The following PTPRD variants were observed in gnomAD, a reference collection of about 807,000 sequenced individuals.
PTPRD encodes protein tyrosine phosphatase receptor type D.
In PTPRD, 34 loss-of-function variants were observed where a neutral mutation model predicts 214.5. The observed-to-expected ratio is 0.16, with a 90% confidence interval of 0.12 to 0.21. PTPRD has a LOEUF of 0.21. Among genes scored for constraint, PTPRD ranks in the 10% least tolerant of loss-of-function variants. PTPRD has a pLI of 1.00. For synonymous variants in PTPRD, 1,128 were observed against 845.7 expected (o/e 1.33, Z -5.79); for missense variants, 2,545 against 2,398.7 (o/e 1.06, Z -1.27).
At chr9:9,415,232 T>A (rs2076644354) in intron 8 of PTPRD, among the ~76,000 whole-genome samples, 1 of 152,034 alleles carries the variant, frequency 6.6e-6, no homozygotes, top group African/African-American at 2.4e-5. Context: ...TCCCAGCACT[T>A]TGGGAGACGA....
At chr9:8,704,712 A>T (rs1226180808) in intron 12 of PTPRD, among the ~76,000 whole-genome samples, 1 of 151,714 alleles carries the variant, frequency 6.6e-6, no homozygotes, top group Non-Finnish European at 1.5e-5. Context: ...GCGGATCACG[A>T]GGTCAGGAGT....
chr9:8,584,100 G>C (rs2093430609), intron 14 of PTPRD, among the ~76,000 whole-genome samples: 1 of 152,116 alleles, frequency 6.6e-6, no homozygotes, highest in African/African-American at 2.4e-5. Context: ...GCTGTAGTGA[G>C]CCATGATTGT....
At chr9:9,825,678 A>G (rs571757543) in intron 5 of PTPRD, among the ~76,000 whole-genome samples, 2 of 152,106 alleles carry the variant, frequency 1.3e-5, no homozygotes, top group Admixed American at 6.6e-5. Flanking sequence ...ATGGAGTACA[A>G]TGATAACAGG....
rs796645843 is a variant in PTPRD, at chr9:9,982,235, C to T, written c.-471-43625G>A. On this transcript the variant is annotated intron_variant, in intron 4 of 45. Coordinates refer to ENST00000381196, the MANE Select transcript of PTPRD (RefSeq NM_002839.4). Reference sequence around the variant, plus strand: ...AGCCTTTTTGAGGCACTTAGCCAGTCGTCTTTATATTCATCTTTGTCACTG... The same window carrying T: ...AGCCTTTTTGAGGCACTTAGCCAGTTGTCTTTATATTCATCTTTGTCACTG... Among the ~76,000 whole-genome samples the T allele has an allele frequency of 7.2e-5, 11 of 152,224 alleles. 1 individual carries two copies. Among genetic ancestry groups the T allele is most frequent in the East Asian group, 1.9e-4 (1 of 5,174 alleles).
intron 11 of PTPRD, among the ~76,000 whole-genome samples, chr9:8,942,437 G>C (rs1588529877): frequency 1.3e-5 from 2 of 152,126 alleles, no homozygotes; most frequent in Non-Finnish European, 2.9e-5. Flanking sequence ...GCACAGGAGA[G>C]AGGAAAACAA....
chr9:10,266,780 G>A (rs930645896), intron 3 of PTPRD, among the ~76,000 whole-genome samples: 22 of 152,176 alleles, frequency 1.4e-4, no homozygotes, highest in African/African-American at 5.3e-4. Context: ...AGTTACTGTT[G>A]CAACCCACCT....
chr9:10,286,397 G>T (rs1326474183), intron 3 of PTPRD, among the ~76,000 whole-genome samples: 1 of 152,006 alleles, frequency 6.6e-6, no homozygotes, highest in Non-Finnish European at 1.5e-5. Context: ...AGCCATAATT[G>T]TGTCATGGCA....
At chr9:9,849,345 C>T (rs1445351025) in intron 5 of PTPRD, among the ~76,000 whole-genome samples, 3 of 151,834 alleles carry the variant, frequency 2.0e-5, no homozygotes, top group Non-Finnish European at 4.4e-5. Flanking sequence ...TTAACCCAGG[C>T]ATCAAATAAA....
intron 14 of PTPRD, among the ~76,000 whole-genome samples, chr9:8,626,873 T>C (rs780861630): frequency 2.0e-5 from 3 of 151,736 alleles, no homozygotes; most frequent in Non-Finnish European, 4.4e-5. Flanking sequence ...TCATTAATAA[T>C]GTCAGCTAAT....
At chr9:9,990,979 G>C (rs2095894864) in intron 4 of PTPRD, among the ~76,000 whole-genome samples, 1 of 149,364 alleles carries the variant, frequency 6.7e-6, no homozygotes, top group African/African-American at 2.5e-5. Context: ...TTGCTGCCCA[G>C]GCTGCAGTGC....
At chr9:9,179,175 C>T (rs945184225) in intron 10 of PTPRD, among the ~76,000 whole-genome samples, 10 of 152,174 alleles carry the variant, frequency 6.6e-5, no homozygotes, top group Admixed American at 3.3e-4. Context: ...AATAAAATTC[C>T]AGACTAGACC....
At chr9:9,728,616 C>T (rs1244557001) in intron 7 of PTPRD, among the ~76,000 whole-genome samples, 1 of 152,040 alleles carries the variant, frequency 6.6e-6, no homozygotes, top group Admixed American at 6.6e-5. Flanking sequence ...GAAACTAAGG[C>T]AAGAGTTGAA....
intron 12 of PTPRD, among the ~76,000 whole-genome samples, chr9:8,651,446 G>A (rs371526643): frequency 6.6e-6 from 1 of 152,138 alleles, no homozygotes; most frequent in African/African-American, 2.4e-5. Context: ...CCTGGCACAC[G>A]GATAGAGGCT....
chr9:10,501,552 C>A (rs895047931), intron 2 of PTPRD, among the ~76,000 whole-genome samples: 23 of 151,932 alleles, frequency 1.5e-4, no homozygotes, highest in Non-Finnish European at 3.2e-4. Flanking sequence ...TCACACCCAG[C>A]AGATTTAACT....
chr9:9,307,162 G>A (rs192425602), intron 9 of PTPRD, among the ~76,000 whole-genome samples: 4 of 152,252 alleles, frequency 2.6e-5, no homozygotes, highest in African/African-American at 9.6e-5. Context: ...CGGGAAACCA[G>A]CTATGATTGC....
chr9:9,983,153 T>C lies in PTPRD; in HGVS notation c.-471-44543A>G, dbSNP rs1347307251. ...CAAATCAAATGTACCGATGCTAGAC[T>C]TTGATTCAGAATGGATTACACTGGG... On this transcript the variant is annotated intron_variant, in intron 4 of 45. Transcript: ENST00000381196. Among the ~76,000 whole-genome samples the C allele has an allele frequency of 4.6e-5, 7 of 152,274 alleles. No homozygotes were observed. In the East Asian group the frequency reaches 1.4e-3, roughly 29 times the overall value.
chr9:9,945,193 G>C (rs1374544363), intron 4 of PTPRD, among the ~76,000 whole-genome samples: 1 of 152,112 alleles, frequency 6.6e-6, no homozygotes, highest in African/African-American at 2.4e-5. Flanking sequence ...GATCCACGTG[G>C]AAGTGTCAGT....
At chr9:8,388,369 T>G (rs372645348) in intron 37 of PTPRD, among the ~76,000 whole-genome samples, 158 of 152,286 alleles carry the variant, frequency 1.0e-3, no homozygotes, top group African/African-American at 3.6e-3. Flanking sequence ...GCCTCTCACT[T>G]GTGGTTTCAA....
chr9:10,496,954 A>C (rs534707967), intron 2 of PTPRD, among the ~76,000 whole-genome samples: 1 of 152,164 alleles, frequency 6.6e-6, no homozygotes, highest in South Asian at 2.1e-4. Context: ...GAAGCATGAA[A>C]TACTACACAG....
Sources: allele counts gnomAD v4.1 joint callset (sites outside exome capture counted in the v4.1 genomes callset), GRCh38; gene constraint gnomAD v4.1.1; transcripts MANE v1.5; gene names NCBI Gene and HGNC (gene_info 2026-07-23, HGNC 2026-07-21).